CCDC3: variants seen among roughly 807,000 people sequenced by gnomAD.
CCDC3 encodes the protein coiled-coil domain containing 3.
A neutral mutation model predicts 21.4 loss-of-function variants in CCDC3; 24 were observed. That is an observed-to-expected ratio of 1.12 (90% CI 0.81 to 1.58). The LOEUF is 1.58. CCDC3 is among the 40% of genes most tolerant of loss of function. The pLI is 0.00. For synonymous variants in CCDC3, 186 were observed against 166.0 expected (o/e 1.12, Z -0.93); for missense variants, 425 against 360.9 (o/e 1.18, Z -1.44).
chr10:13,000,032 ATG>A (rs1032382483), intron 1 of CCDC3, among the ~76,000 whole-genome samples: 1 of 152,216 alleles, frequency 6.6e-6, no homozygotes, highest in African/African-American at 2.4e-5. Context: ...TATGGAAAAC[ATG>A]TGTTGCCATG....
intron 5 of CCDC3, among the ~76,000 whole-genome samples, chr10:13,011,538 A>G (rs1282748685): frequency 6.6e-6 from 1 of 152,192 alleles, no homozygotes; most frequent in Non-Finnish European, 1.5e-5. Context: ...AAAATCAGAG[A>G]TGATACAAAC....
intron 3 of CCDC3, among the ~76,000 whole-genome samples, chr10:13,092,925 G>C (rs955987349): frequency 1.3e-5 from 2 of 152,158 alleles, no homozygotes; most frequent in African/African-American, 4.8e-5. Flanking sequence ...AGGCAACCTG[G>C]TGAGAGAAAT....
At chr10:12,900,721 G>A (rs1039619321) in intron 2 of CCDC3, among the ~76,000 whole-genome samples, 2 of 146,744 alleles carry the variant, frequency 1.4e-5, no homozygotes, top group Non-Finnish European at 3.0e-5. Context: ...AAACTCCATC[G>A]AGCCCCACTA....
chr10:13,010,067 G>A (rs1336284514), intron 5 of CCDC3, among the ~76,000 whole-genome samples: 3 of 152,130 alleles, frequency 2.0e-5, no homozygotes, highest in Non-Finnish European at 4.4e-5. Flanking sequence ...GGCCAACGTG[G>A]TGAAACCCTA....
At chr10:12,996,624 A>G (rs79639849) in intron 2 of CCDC3, among the ~76,000 whole-genome samples, 4,002 of 152,156 alleles carry the variant, frequency 0.026, 196 homozygotes, top group African/African-American at 0.092. Context: ...ACATATGTCA[A>G]AGAAGAAGAA....
At chr10:13,027,608 G>A (rs1454725248) in intron 5 of CCDC3, among the ~76,000 whole-genome samples, 1 of 151,912 alleles carries the variant, frequency 6.6e-6, no homozygotes, top group African/African-American at 2.4e-5. Flanking sequence ...CACTTTTGGA[G>A]GCTGAGGCGG....
intron 5 of CCDC3, among the ~76,000 whole-genome samples, chr10:13,034,398 A>G (rs1000866549): frequency 4.6e-5 from 7 of 151,798 alleles, no homozygotes; most frequent in Admixed American, 2.0e-4. Flanking sequence ...TGTAAATGAC[A>G]AGTTAATGGG....
intron 3 of CCDC3, among the ~76,000 whole-genome samples, chr10:13,097,860 T>C (rs887599795): frequency 6.6e-6 from 1 of 152,232 alleles, no homozygotes; most frequent in African/African-American, 2.4e-5. Flanking sequence ...TCCTATCAAC[T>C]ATTCGATTTT....
At chr10:12,968,881 A>G (rs751643271) in intron 2 of CCDC3, among the ~76,000 whole-genome samples, 1 of 152,202 alleles carries the variant, frequency 6.6e-6, no homozygotes, top group East Asian at 1.9e-4. Context: ...AAAGTAAGGA[A>G]TCAAAGCAAA....
chr10:13,093,284 G>A (rs1465098207), intron 3 of CCDC3, among the ~76,000 whole-genome samples: 1 of 152,124 alleles, frequency 6.6e-6, no homozygotes. Context: ...TGAGAACCAA[G>A]TGAAAGGGGT....
At chr10:13,091,310 T>C (rs915874952) in intron 3 of CCDC3, among the ~76,000 whole-genome samples, 1 of 152,150 alleles carries the variant, frequency 6.6e-6, no homozygotes, top group Non-Finnish European at 1.5e-5. Flanking sequence ...TGAAGCCTTT[T>C]GGGGGGTGAT....
At chr10:12,927,392 A>G (rs1834559996) in intron 2 of CCDC3, among the ~76,000 whole-genome samples, 1 of 152,202 alleles carries the variant, frequency 6.6e-6, no homozygotes, top group Non-Finnish European at 1.5e-5. Flanking sequence ...CAATTGCTCA[A>G]TACTAGCTAA....
chr10:13,060,587 C>T (rs868227769), intron 4 of CCDC3, among the ~76,000 whole-genome samples: 34 of 152,188 alleles, frequency 2.2e-4, no homozygotes, highest in Non-Finnish European at 3.7e-4. Context: ...TCACTGCAGC[C>T]TCAAACTCCT....
In CCDC3 at chr10:13,001,660, C is replaced by T. The variant is rs1217400490; in HGVS notation, c.-90G>A. 7.9e-6 allele frequency: 7 copies of T among 886,766 alleles called. No homozygotes were observed. The highest frequency in any genetic ancestry group is 9.6e-6 in the Non-Finnish European group (7 of 728,614). The allele number at this position is 886,766 out of a possible 1,614,324, so 54.9% of individuals were successfully genotyped here. A position where few individuals can be genotyped will look rare whatever the true frequency, so the allele number is the denominator to read the frequency against. ...GGGCAGCCCTGGGCGCTCGGCTGCT[C>T]GGGCCGCTCCCGGGAGCTGAGCGCA... On this transcript the variant is annotated 5_prime_UTR_variant, in exon 1 of 3. Transcript: ENST00000378825.
chr10:12,915,402 C>T (rs2131209001), intron 2 of CCDC3, among the ~76,000 whole-genome samples: 1 of 152,248 alleles, frequency 6.6e-6, no homozygotes, highest in Admixed American at 6.5e-5. Context: ...TGTTTTTCTG[C>T]ATTTTGCAGG....
intron 2 of CCDC3, among the ~76,000 whole-genome samples, chr10:12,935,484 T>C (rs1428561775): frequency 1.3e-5 from 2 of 152,222 alleles, no homozygotes; most frequent in African/African-American, 4.8e-5. Context: ...GTATTTCATA[T>C]CGGTTACTGT....
intron 2 of CCDC3, among the ~76,000 whole-genome samples, chr10:12,974,444 G>A (rs1301910117): frequency 6.6e-6 from 1 of 152,246 alleles, no homozygotes; most frequent in Admixed American, 6.5e-5. Flanking sequence ...AGGAGCAGAG[G>A]ATGGGGCTGA....
At chr10:12,914,899 C>G (rs1489124713) in intron 2 of CCDC3, among the ~76,000 whole-genome samples, 1 of 151,766 alleles carries the variant, frequency 6.6e-6, no homozygotes, top group African/African-American at 2.4e-5. Flanking sequence ...TTAGTTTGTT[C>G]TTCTTTTTGT....
Position 12,978,539 on chromosome 10 carries a change from G to C in CCDC3, c.549+19799C>G, listed in dbSNP as rs1835450403. Among the ~76,000 whole-genome samples, 3 of 137,894 alleles carry C rather than the reference G, an allele frequency of 2.2e-5. No homozygotes were observed. The South Asian group carries it at 7.4e-4, about 34-fold the overall frequency. The allele number at this position is 137,894 out of a possible 152,430, so 90.5% of individuals were successfully genotyped here. A position where few individuals can be genotyped will look rare whatever the true frequency, so the allele number is the denominator to read the frequency against. Reference sequence around the variant, plus strand: ...AAGCAGAAGAAATCTGCGGGTCCTGGAGAATGGAACCAGAGAGAGAGAGAG... The same window carrying C: ...AAGCAGAAGAAATCTGCGGGTCCTGCAGAATGGAACCAGAGAGAGAGAGAG... On this transcript the variant is annotated intron_variant, in intron 2 of 2. Coordinates refer to ENST00000378825, the MANE Select transcript of CCDC3 (RefSeq NM_031455.4).
Sources: allele counts gnomAD v4.1 joint callset (sites outside exome capture counted in the v4.1 genomes callset), GRCh38; gene constraint gnomAD v4.1.1; transcripts MANE v1.5; gene names NCBI Gene and HGNC (gene_info 2026-07-23, HGNC 2026-07-21).